The following GREB1L variants were observed in gnomAD, a reference collection of about 807,000 sequenced individuals.
GREB1L encodes the protein GREB1-like protein.
Under a neutral mutation model 200.8 loss-of-function variants are expected in GREB1L, and 17 were observed. The ratio of observed to expected loss-of-function variants is 0.08; its 90% CI spans 0.06 to 0.13. The LOEUF is 0.13. GREB1L is among the 10% of genes least tolerant of loss of function. The pLI is 1.00. For missense variants in GREB1L, 1,657 were observed against 2,367.7 expected (o/e 0.70, Z 6.23); for synonymous variants, 789 against 893.0 (o/e 0.88, Z 2.08).
chr18:21,522,584 A>G (rs2037622480), intron 32 of GREB1L, 74 bp from the exon 33 acceptor site: 1 of 1,170,538 alleles, frequency 8.5e-7, no homozygotes, highest in African/African-American at 1.6e-5. Flanking sequence ...AGCTTAGGAA[A>G]TATAATCAGA....
chr18:21,433,427 A>G (rs1000266341), intron 7 of GREB1L, among the ~76,000 whole-genome samples: 2 of 152,252 alleles, frequency 1.3e-5, no homozygotes, highest in Non-Finnish European at 2.9e-5. Flanking sequence ...TCTTCCAAAC[A>G]ATATGACTGT....
intron 1 of GREB1L, among the ~76,000 whole-genome samples, chr18:21,347,461 C>CTT (rs1167550131): frequency 6.9e-6 from 1 of 144,958 alleles, no homozygotes. Flanking sequence ...TTGCTTCACT[C>CTT]TTTTTTTTTT....
Position 21,324,008 on chromosome 18 carries a change from T to C in GREB1L, c.-119-42019T>C, listed in dbSNP as rs560523794. On this transcript the variant is annotated intron_variant, in intron 1 of 32. Transcript: ENST00000424526. ...GGCATACAGAGTGGTATAATGGACATTGGAGATTCTGAAGGGAGAAGGATG... is the reference window on the plus strand; with the variant it reads ...GGCATACAGAGTGGTATAATGGACACTGGAGATTCTGAAGGGAGAAGGATG... Among the ~76,000 whole-genome samples, 35 of 152,182 alleles carry C rather than the reference T, an allele frequency of 2.3e-4. 1 individual carries two copies. Among genetic ancestry groups the C allele is most frequent in the Non-Finnish European group, 4.4e-4 (30 of 68,014 alleles).
chr18:21,326,264 G>A (rs536757715), intron 1 of GREB1L, among the ~76,000 whole-genome samples: 1 of 152,134 alleles, frequency 6.6e-6, no homozygotes, highest in Non-Finnish European at 1.5e-5. Context: ...CAAAAAAAAA[G>A]TTCATATAGA....
chr18:21,280,629 G>A (rs1231375003), intron 1 of GREB1L, among the ~76,000 whole-genome samples: 3 of 151,896 alleles, frequency 2.0e-5, no homozygotes, highest in Non-Finnish European at 2.9e-5. Flanking sequence ...CTTCCATCTC[G>A]AATGTATTAA....
intron 7 of GREB1L, among the ~76,000 whole-genome samples, chr18:21,418,940 C>T (rs1278428299): frequency 2.0e-5 from 3 of 152,116 alleles, no homozygotes; most frequent in African/African-American, 4.8e-5. Flanking sequence ...TGATGGACCT[C>T]GTATACAAAG....
chr18:21,485,368 C>T (rs1308534928), intron 17 of GREB1L: 8 of 350,854 alleles, frequency 2.3e-5, no homozygotes, highest in Non-Finnish European at 1.0e-5. Flanking sequence ...GAAAACAAAC[C>T]ATGTGCCTGA....
intron 7 of GREB1L, among the ~76,000 whole-genome samples, chr18:21,406,693 ACTGT>A (rs1567984588): frequency 6.6e-6 from 1 of 152,142 alleles, no homozygotes; most frequent in Non-Finnish European, 1.5e-5. Context: ...GCAGTCAGTG[ACTGT>A]CTGTAATCAA....
chr18:21,390,532 G>T (rs1264391941), intron 4 of GREB1L, among the ~76,000 whole-genome samples: 4 of 151,392 alleles, frequency 2.6e-5, no homozygotes, highest in African/African-American at 9.7e-5. Context: ...TTGTTTGTTT[G>T]TTTTTGTTTT....
At chr18:21,429,507 C>G (rs1465334207) in intron 7 of GREB1L, among the ~76,000 whole-genome samples, 1 of 151,358 alleles carries the variant, frequency 6.6e-6, no homozygotes, top group Non-Finnish European at 1.5e-5. Context: ...GGCACCCAGC[C>G]ATTTGATGTC....
intron 1 of GREB1L, among the ~76,000 whole-genome samples, chr18:21,344,207 C>T (rs1374128843): frequency 6.6e-6 from 1 of 152,154 alleles, no homozygotes; most frequent in Non-Finnish European, 1.5e-5. Context: ...CGAGACCATC[C>T]TGGCTAACAT....
chr18:21,477,087 G>A (rs1418638877), intron 16 of GREB1L, 77 bp from the exon 17 acceptor site: 1 of 866,488 alleles, frequency 1.2e-6, no homozygotes, highest in African/African-American at 1.7e-5. Context: ...AACTAAAACA[G>A]TATGTCCATG....
intron 1 of GREB1L, among the ~76,000 whole-genome samples, chr18:21,263,992 C>G (rs765760833): frequency 2.0e-5 from 3 of 152,218 alleles, no homozygotes; most frequent in Non-Finnish European, 4.4e-5. Flanking sequence ...TAATTCTCAT[C>G]TCTTTACAGT....
intron 1 of GREB1L, among the ~76,000 whole-genome samples, chr18:21,246,828 G>C (rs73959821): frequency 2.6e-5 from 4 of 152,080 alleles, no homozygotes; most frequent in Non-Finnish European, 4.4e-5. Context: ...GGTTAGTATT[G>C]TGATCACAGT....
Position 21,444,259 on chromosome 18 carries a change from G to T in GREB1L, c.1243G>T (p.Gly415Cys), listed in dbSNP as rs1329384362. The change falls in exon 11 of 33, where the codon GGT becomes TGT. Residue 415 changes from glycine to cysteine, a missense_variant. Physicochemically the swap from Gly to Cys is radical, Grantham distance 159. Transcript: ENST00000424526. ...GTLPYFYGNV[G>C]DIVVSPLLVN... ...TTTACCCTATTTCTATGGAAATGTT[G>T]GTGACATTGTTGTGAGTCCTCTGCT... 7 of 1,551,448 alleles carry T rather than the reference G, an allele frequency of 4.5e-6. No individual in the cohort carries two copies. The highest frequency in any genetic ancestry group is 1.2e-5 in the South Asian group (1 of 84,056).
chr18:21,478,289 A>G (rs1485579400), intron 17 of GREB1L, among the ~76,000 whole-genome samples: 1 of 152,202 alleles, frequency 6.6e-6, no homozygotes, highest in Non-Finnish European at 1.5e-5. Context: ...TTTTACTCCA[A>G]TCTCTAATAT....
At chr18:21,379,906 T>A (rs1390255593) in intron 2 of GREB1L, among the ~76,000 whole-genome samples, 1 of 152,212 alleles carries the variant, frequency 6.6e-6, no homozygotes, top group African/African-American at 2.4e-5. Context: ...CAGGAACATT[T>A]CAGTTGACAG....
intron 27 of GREB1L, among the ~76,000 whole-genome samples, chr18:21,511,604 G>A (rs2037240010): frequency 1.3e-5 from 2 of 152,128 alleles, no homozygotes; most frequent in East Asian, 1.9e-4. Context: ...TCTAAGGTAA[G>A]GGTCCAACTT....
In GREB1L at chr18:21,513,967, A is replaced by G; in HGVS notation, c.4882A>G (p.Ser1628Gly). The G allele has an allele frequency of 6.4e-7, 1 of 1,551,680 alleles. No individual in the cohort carries two copies. The highest frequency in any genetic ancestry group is 8.7e-7 in the Non-Finnish European group (1 of 1,146,958). Residue 1628 changes from serine to glycine, a missense_variant, in exon 28 of 33, where the codon AGT becomes GGT. Ser to Gly is a moderately conservative substitution (Grantham distance 56, BLOSUM62 0). Around this residue, in one of 9 missense-constraint regions of GREB1L, gnomAD observed 151 missense variants for 309.6 expected, o/e 0.49. Transcript: ENST00000424526. ...DDSCVLWNIH[S>G]VQEPSSQPME... ...CTCATGTGTCCTATGGAACATTCAC[A>G]GTGTTCAGGAGCCATCCAGGTAGAC...
Sources: allele counts gnomAD v4.1 joint callset (sites outside exome capture counted in the v4.1 genomes callset), GRCh38; gene constraint gnomAD v4.1.1; regional missense constraint gnomAD v4.1.1; transcripts MANE v1.5; gene names NCBI Gene and HGNC (gene_info 2026-07-23, HGNC 2026-07-21).